Variants in DSCAML1 observed in about 807,000 individuals in gnomAD.
DSCAML1 encodes the protein cell adhesion molecule DSCAML1.
A neutral mutation model predicts 200.5 loss-of-function variants in DSCAML1; 38 were observed. The ratio of observed to expected loss-of-function variants is 0.19; its 90% CI spans 0.15 to 0.25. The LOEUF (loss-of-function observed/expected upper bound fraction) is 0.25, where lower values mean the gene tolerates loss of function less well. DSCAML1 is among the 10% of genes least tolerant of loss of function. The pLI, the probability that DSCAML1 is intolerant of heterozygous loss-of-function variation, is 1.00. For missense variants in DSCAML1, 2,223 were observed against 2,858.8 expected (o/e 0.78, Z 5.07); for synonymous variants, 1,215 against 1,165.0 (o/e 1.04, Z -0.87).
chr11:117,431,833 A>C, intron 30 of DSCAML1, 105 bp from the exon 31 acceptor site: 6 of 1,139,904 alleles, frequency 5.3e-6, no homozygotes, highest in African/African-American at 1.6e-5. Flanking sequence ...GAAGAGGCAG[A>C]TGCAGCCACA....
chr11:117,803,216 C>T (rs1195601964), intron 1 of DSCAML1, among the ~76,000 whole-genome samples: 1 of 152,066 alleles, frequency 6.6e-6, no homozygotes, highest in Non-Finnish European at 1.5e-5. Context: ...AGTTGCAGAA[C>T]CAGAAGTTGT....
chr11:117,479,594 G>T (rs1323222488), intron 14 of DSCAML1, among the ~76,000 whole-genome samples: 2 of 152,182 alleles, frequency 1.3e-5, no homozygotes, highest in Non-Finnish European at 2.9e-5. Context: ...CCTCACAGTG[G>T]CGGGGCGGCC....
chr11:117,560,162 T>G (rs1175726367), intron 3 of DSCAML1, among the ~76,000 whole-genome samples: 1 of 152,198 alleles, frequency 6.6e-6, no homozygotes, highest in African/African-American at 2.4e-5. Context: ...TGGAAAGGTC[T>G]GCATTTTATT....
intron 4 of DSCAML1, among the ~76,000 whole-genome samples, chr11:117,529,880 A>G (rs1239963731): frequency 6.6e-6 from 1 of 151,756 alleles, no homozygotes; most frequent in East Asian, 1.9e-4. Context: ...CCCCCTCGGC[A>G]CTGCTTGCTC....
intron 1 of DSCAML1, among the ~76,000 whole-genome samples, chr11:117,803,670 G>A (rs1159718781): frequency 1.3e-5 from 2 of 152,178 alleles, no homozygotes; most frequent in Admixed American, 1.3e-4. Flanking sequence ...GTTACACTGT[G>A]GCTGGGGACC....
chr11:117,621,074 A>G (rs2051918287), intron 3 of DSCAML1, among the ~76,000 whole-genome samples: 1 of 152,218 alleles, frequency 6.6e-6, no homozygotes. Context: ...TTTACTGTCT[A>G]TGGACATGGC....
rs56765238 is a variant in DSCAML1 at position 117,515,610 on chromosome 11, C to CTTTTTTTTTTTTTTT, written c.1783+842_1783+856dup. 7.7e-3 allele frequency among the ~76,000 whole-genome samples: 498 copies of CTTTTTTTTTTTTTTT among 65,086 alleles called. 97 individuals carry two copies. The highest frequency in any genetic ancestry group is 9.0e-3 in the Non-Finnish European group (340 of 37,592). 42.7% of individuals were successfully genotyped at this position (65,086 alleles called of 152,430 possible). A position where few individuals can be genotyped will look rare whatever the true frequency, so the allele number is the denominator to read the frequency against. On this transcript the variant is annotated intron_variant, in intron 8 of 32. Transcript: ENST00000651296. ...TGTCAAGGGCCCAGGAGGGACGAAG[C>CTTTTTTTTTTTTTTT]TTTTTTTTTTTTTTTTTTTTTTTTT...
chr11:117,540,240 C>T (rs1467647695), intron 3 of DSCAML1, among the ~76,000 whole-genome samples: 2 of 152,160 alleles, frequency 1.3e-5, no homozygotes, highest in African/African-American at 4.8e-5. Flanking sequence ...GAGTGGCAGG[C>T]GAGCGAGCAT....
intron 3 of DSCAML1, among the ~76,000 whole-genome samples, chr11:117,643,440 A>G (rs987922600): frequency 4.6e-5 from 7 of 152,218 alleles, no homozygotes; most frequent in Admixed American, 4.6e-4. Flanking sequence ...AGGAAAACAC[A>G]ACCCCTCCCT....
At chr11:117,571,748 G>A (rs2050850702) in intron 3 of DSCAML1, among the ~76,000 whole-genome samples, 1 of 152,206 alleles carries the variant, frequency 6.6e-6, no homozygotes, top group South Asian at 2.1e-4. Flanking sequence ...GGTAAAATGA[G>A]GCTGATACCT....
At chr11:117,578,965 C>T (rs2050998215) in intron 3 of DSCAML1, among the ~76,000 whole-genome samples, 1 of 152,242 alleles carries the variant, frequency 6.6e-6, no homozygotes, top group South Asian at 2.1e-4. Flanking sequence ...GGCATCCCAA[C>T]CCATCCAGAC....
At chr11:117,486,910 CCTTTT>C (rs1592654521) in intron 11 of DSCAML1, among the ~76,000 whole-genome samples, 1 of 110,364 alleles carries the variant, frequency 9.1e-6, no homozygotes, top group African/African-American at 3.4e-5. Context: ...ATGTAAAATA[CCTTTT>C]TTTTTTTTTT....
In DSCAML1 at chr11:117,816,235, G is replaced by A. The variant is rs533012842; in HGVS notation, c.-250+1155C>T. On this transcript the variant is annotated intron_variant, in intron 1 of 2. Coordinates refer to the DSCAML1 transcript ENST00000525836. ...TTTCTTCCAAGGCTAGGACACTCGG[G>A]CCCTTCCGTGGCTCTCCCAGTGCAG... Among the ~76,000 whole-genome samples the A allele has an allele frequency of 3.3e-5, 5 of 152,292 alleles. No individual in the cohort carries two copies. The East Asian group carries it at 9.7e-4, about 29-fold the overall frequency.
intron 3 of DSCAML1, among the ~76,000 whole-genome samples, chr11:117,745,431 C>T (rs2137852126): frequency 6.6e-6 from 1 of 152,288 alleles, no homozygotes; most frequent in South Asian, 2.1e-4. Flanking sequence ...GAGGCCAAGA[C>T]AGGGTGGGGC....
At chr11:117,602,302 G>C (rs913411765) in intron 3 of DSCAML1, among the ~76,000 whole-genome samples, 21 of 152,206 alleles carry the variant, frequency 1.4e-4, no homozygotes, top group Non-Finnish European at 2.6e-4. Flanking sequence ...CGGTTGTCTT[G>C]GCATGAGTGT....
At chr11:117,799,087 G>A (rs552823542), upstream of DSCAML1, among the ~76,000 whole-genome samples, 1 of 152,256 alleles carries the variant, frequency 6.6e-6, no homozygotes, top group Admixed American at 6.5e-5. Context: ...CTTCCCCGAG[G>A]TCACGCAGGG....
chr11:117,437,477 G>T lies in DSCAML1; in HGVS notation c.4433-68C>A, dbSNP rs939747822. ...GGGAGGCAGGACTGGACTGGGCTGGGCTGGAAAGGATTTCCCTGGGGCAGC... is the reference window on the plus strand; with the variant it reads ...GGGAGGCAGGACTGGACTGGGCTGGTCTGGAAAGGATTTCCCTGGGGCAGC... On this transcript the variant is annotated intron_variant, in intron 25 of 32. Transcript: ENST00000651296. This position sits in a 1 kb window ranked among gnomAD's most constrained non-coding sequence, Gnocchi z 5.3. 2 of 1,539,316 alleles carry T rather than the reference G, an allele frequency of 1.3e-6. No homozygotes were observed. Among genetic ancestry groups the T allele is most frequent in the African/African-American group, 2.7e-5 (2 of 72,978 alleles).
At chr11:117,692,100 A>G (rs949776517) in intron 3 of DSCAML1, among the ~76,000 whole-genome samples, 1 of 152,116 alleles carries the variant, frequency 6.6e-6, no homozygotes, top group African/African-American at 2.4e-5. Flanking sequence ...TGAAGTCTTC[A>G]CACCTTGGTG....
intron 3 of DSCAML1, among the ~76,000 whole-genome samples, chr11:117,707,662 T>C (rs2053779565): frequency 6.6e-6 from 1 of 151,966 alleles, no homozygotes; most frequent in Non-Finnish European, 1.5e-5. Context: ...GCCTCCCGAG[T>C]AGCTGGGACT....
Sources: allele counts gnomAD v4.1 joint callset (sites outside exome capture counted in the v4.1 genomes callset), GRCh38; gene constraint gnomAD v4.1.1; non-coding constraint Gnocchi (gnomAD v3.1); transcripts MANE v1.5; gene names NCBI Gene and HGNC (gene_info 2026-07-23, HGNC 2026-07-21).